The following PTPRD variants were observed in gnomAD, a reference collection of about 807,000 sequenced individuals.
The protein encoded by PTPRD is protein tyrosine phosphatase receptor type D, also known as receptor-type tyrosine-protein phosphatase delta.
PTPRD carries 34 observed loss-of-function variants against 214.5 expected under a neutral mutation model. That is an observed-to-expected ratio of 0.16 (90% CI 0.12 to 0.21). PTPRD has a LOEUF of 0.21. Among genes scored for constraint, PTPRD ranks in the 10% least tolerant of loss-of-function variants. The pLI is 1.00. For synonymous variants in PTPRD, 1,128 were observed against 845.7 expected (o/e 1.33, Z -5.79); for missense variants, 2,545 against 2,398.7 (o/e 1.06, Z -1.27).
chr9:9,089,331 G>A (rs2154430322), intron 10 of PTPRD, among the ~76,000 whole-genome samples: 1 of 152,266 alleles, frequency 6.6e-6, no homozygotes. Flanking sequence ...CAGGCAGTGG[G>A]CCAGATTTGA....
intron 2 of PTPRD, among the ~76,000 whole-genome samples, chr9:10,575,183 A>C (rs769642102): frequency 3.8e-4 from 58 of 152,198 alleles, no homozygotes; most frequent in Admixed American, 2.2e-3. Flanking sequence ...CAACAAAAAT[A>C]GGTAGGTCCT....
intron 7 of PTPRD, among the ~76,000 whole-genome samples, chr9:9,587,599 A>T (rs2092210568): frequency 1.3e-5 from 2 of 152,174 alleles, no homozygotes; most frequent in South Asian, 4.1e-4. Context: ...CAAACTTCAG[A>T]GTACATCATA....
At chr9:9,732,611 G>C (rs942138152) in intron 7 of PTPRD, among the ~76,000 whole-genome samples, 1 of 152,074 alleles carries the variant, frequency 6.6e-6, no homozygotes, top group East Asian at 1.9e-4. Context: ...AGGACCTCTA[G>C]GATTTGTTAT....
At chr9:10,077,050 G>A (rs1590436090) in intron 3 of PTPRD, among the ~76,000 whole-genome samples, 1 of 152,056 alleles carries the variant, frequency 6.6e-6, no homozygotes, top group Non-Finnish European at 1.5e-5. Context: ...ATTACATCCG[G>A]AGACTTACTA....
Position 9,427,900 on chromosome 9 carries a change from C to A in PTPRD, c.-236-30418G>T, listed in dbSNP as rs868818373. Among the ~76,000 whole-genome samples the A allele has an allele frequency of 1.1e-3, 160 of 152,282 alleles. 1 individual carries two copies. Among genetic ancestry groups the A allele is most frequent in the African/African-American group, 3.7e-3 (153 of 41,554 alleles). On this transcript the variant is annotated intron_variant, in intron 8 of 45. Transcript: ENST00000381196. ...CACCACCAGGCCTGCCTTACAAGAG[C>A]TCCTGAAAGAAGCACTAAACGTGGA... is the stretch of plus-strand genomic sequence containing the variant.
intron 4 of PTPRD, among the ~76,000 whole-genome samples, chr9:9,947,355 T>TATATATTATATATATATTATATATATA (rs1566616258): frequency 2.9e-5 from 1 of 34,440 alleles, no homozygotes; most frequent in Non-Finnish European, 4.2e-5. Flanking sequence ...TAATATATAT[T>TATATATTATATATATATTATATATATA]ATATATATTA....
At position 8,525,160 on chromosome 9, in the gene PTPRD, T is replaced by C. The variant is rs1383246017; in HGVS notation, c.569-125A>G. On this transcript the variant is annotated intron_variant, in intron 17 of 45. Transcript: ENST00000381196. ...GAAGGTCCACTCAACGTCGATTCAA[T>C]CTCTTGCTAAGTTGCACAGACAGAA... 5.5e-5 allele frequency: 45 copies of C among 819,768 alleles called. No homozygotes were observed. The Admixed American group carries it at 7.1e-4, about 13-fold the overall frequency. The allele number at this position is 819,768 out of a possible 1,614,324, so 50.8% of individuals were successfully genotyped here. A position where few individuals can be genotyped will look rare whatever the true frequency, so the allele number is the denominator to read the frequency against.
intron 9 of PTPRD, among the ~76,000 whole-genome samples, chr9:9,274,472 A>C (rs1944186323): frequency 6.6e-6 from 1 of 151,302 alleles, no homozygotes; most frequent in Non-Finnish European, 1.5e-5. Context: ...CAAATTATAA[A>C]GACTTAAGGT....
chr9:10,401,740 T>A (rs953099238), intron 2 of PTPRD, among the ~76,000 whole-genome samples: 5 of 150,696 alleles, frequency 3.3e-5, no homozygotes, highest in Admixed American at 6.6e-5. Flanking sequence ...AATTTCTTCC[T>A]TTGTATGATT....
chr9:9,888,881 T>C (rs1322410206), intron 5 of PTPRD, among the ~76,000 whole-genome samples: 1 of 152,150 alleles, frequency 6.6e-6, no homozygotes, highest in Non-Finnish European at 1.5e-5. Flanking sequence ...AAATGTTAGA[T>C]CACCTATTGC....
intron 8 of PTPRD, among the ~76,000 whole-genome samples, chr9:9,461,767 G>T (rs1233551051): frequency 6.6e-6 from 1 of 152,110 alleles, no homozygotes; most frequent in African/African-American, 2.4e-5. Context: ...CAGACCTAGA[G>T]TGAAGGCATT....
chr9:9,037,270 G>A (rs1590229719), intron 10 of PTPRD, among the ~76,000 whole-genome samples: 1 of 152,008 alleles, frequency 6.6e-6, no homozygotes, highest in South Asian at 2.1e-4. Flanking sequence ...GCTCAGGGAG[G>A]TTCCCTGATT....
At chr9:8,494,946 C>T (rs965657538) in intron 26 of PTPRD, among the ~76,000 whole-genome samples, 1 of 152,098 alleles carries the variant, frequency 6.6e-6, no homozygotes, top group African/African-American at 2.4e-5. Context: ...TTCCTCCTGT[C>T]CTGTCTCCAC....
intron 40 of PTPRD, among the ~76,000 whole-genome samples, chr9:8,341,483 A>G (rs1051952739): frequency 3.9e-5 from 6 of 152,098 alleles, no homozygotes; most frequent in African/African-American, 1.2e-4. Context: ...TAGTCTCTCA[A>G]GTTAGGAGAC....
intron 7 of PTPRD, among the ~76,000 whole-genome samples, chr9:9,678,193 T>G (rs2096976827): frequency 6.6e-6 from 1 of 152,120 alleles, no homozygotes; most frequent in Non-Finnish European, 1.5e-5. Context: ...ACCAATGACT[T>G]TCTTCACAGA....
chr9:8,775,723 C>G (rs2095444506), intron 11 of PTPRD, among the ~76,000 whole-genome samples: 1 of 152,236 alleles, frequency 6.6e-6, no homozygotes, highest in South Asian at 2.1e-4. Flanking sequence ...GTGGCTCACA[C>G]CTGTAATCCC....
At chr9:9,402,136 G>A (rs1468957870) in intron 8 of PTPRD, among the ~76,000 whole-genome samples, 1 of 151,938 alleles carries the variant, frequency 6.6e-6, no homozygotes, top group African/African-American at 2.4e-5. Context: ...GACAGTAAAC[G>A]ATCTTAATGC....
chr9:9,339,462 T>C (rs2045929445), intron 9 of PTPRD, among the ~76,000 whole-genome samples: 1 of 152,094 alleles, frequency 6.6e-6, no homozygotes, highest in Non-Finnish European at 1.5e-5. Context: ...CTCCAGACTT[T>C]CTTCTTTGAA....
In PTPRD at chr9:10,582,785, T is replaced by C. The variant is rs922017114; in HGVS notation, c.-600+29613A>G. Among the ~76,000 whole-genome samples the C allele has an allele frequency of 2.0e-5, 3 of 152,194 alleles. 1 individual carries two copies. On this transcript the variant is annotated intron_variant, in intron 2 of 45. Transcript: ENST00000381196. ...CAAAAAACTACACACACCATTGAGA[T>C]AAATACTGTGCAGAAGTAATTCAGG... is the stretch of plus-strand genomic sequence containing the variant.
Sources: allele counts gnomAD v4.1 joint callset (sites outside exome capture counted in the v4.1 genomes callset), GRCh38; gene constraint gnomAD v4.1.1; transcripts MANE v1.5; gene names NCBI Gene and HGNC (gene_info 2026-07-23, HGNC 2026-07-21).